PHTF1: variants seen among roughly 807,000 people sequenced by gnomAD.
PHTF1 encodes the protein protein PHTF1.
PHTF1 carries 88 observed loss-of-function variants against 102.4 expected under a neutral mutation model. The observed-to-expected ratio is 0.86, with a 90% CI of 0.72 to 1.03. The LOEUF (loss-of-function observed/expected upper bound fraction) is 1.03. Among genes scored for constraint, PHTF1 ranks in the 50% least tolerant of loss-of-function variants. The probability of loss-of-function intolerance (pLI) is 0.00; values close to 1 mark genes in which losing one functional copy is unlikely to be tolerated. For missense variants in PHTF1, 814 were observed against 909.5 expected, an observed-to-expected ratio of 0.89 and a Z score of 1.35; for synonymous variants, 289 against 305.2, an observed-to-expected ratio of 0.95 and a Z score of 0.55.
At chr1:113,751,933 T>C (rs1385759686) in intron 3 of PHTF1, among the ~76,000 whole-genome samples, 1 of 152,264 alleles carries the variant, frequency 6.6e-6, no homozygotes, top group Non-Finnish European at 1.5e-5. Flanking sequence ...ATTATAAATG[T>C]AGTAATGTAA....
rs763148035 is a variant in PHTF1 at position 113,706,002 on chromosome 1, G to A, written c.1559C>T (p.Ala520Val). The change falls in exon 13 of 19, where the codon GCA (alanine) becomes GTA (valine). Residue 520 changes from alanine to valine, a missense_variant. Coordinates refer to ENST00000369604, the MANE Select transcript of PHTF1 (RefSeq NM_001323043.2). ...AEEILTLFCG[A>V]PPVTPIIVLS... is the part of the protein sequence containing the mutation. ...AACAATAATAGGTGTAACAGGTGGTGCCCCACAAAAGAGAGTCAAGATCTC... is the reference window on the plus strand; with the variant it reads ...AACAATAATAGGTGTAACAGGTGGTACCCCACAAAAGAGAGTCAAGATCTC... The A allele has an allele frequency of 6.8e-6, 11 of 1,613,872 alleles. No homozygotes were observed. Among genetic ancestry groups the A allele is most frequent in the Admixed American group, 1.7e-5 (1 of 60,006 alleles).
chr1:113,704,907 CTAA>C, intron 13 of PHTF1, 110 bp from the exon 14 acceptor site: 1 of 810,096 alleles, frequency 1.2e-6, no homozygotes, highest in Non-Finnish European at 1.9e-6. Flanking sequence ...GAATGAAGTT[CTAA>C]TCAGTGTTCA....
rs74901666 is a variant in PHTF1 at position 113,705,642 on chromosome 1, G to C, written c.1671+248C>G. Reference sequence around the variant, plus strand: ...ACTGAGGTGCAGATGCTAAGCAGTCGGCTAGGCTCACTCACTGGCTAAGCC... The same window carrying C: ...ACTGAGGTGCAGATGCTAAGCAGTCCGCTAGGCTCACTCACTGGCTAAGCC... On this transcript the variant is annotated intron_variant, in intron 13 of 18. Transcript: ENST00000369604. 4.6e-5 allele frequency: 17 copies of C among 373,074 alleles called. 2 individuals carry two copies. In the South Asian group the frequency reaches 1.2e-3, roughly 25 times the overall value. 23.1% of individuals were successfully genotyped at this position (373,074 alleles called of 1,614,324 possible). A position where few individuals can be genotyped will look rare whatever the true frequency, so the allele number is the denominator to read the frequency against.
intron 6 of PHTF1, 42 bp from the exon 7 acceptor site, chr1:113,724,935 C>T (rs765801271): frequency 1.4e-6 from 2 of 1,436,520 alleles, no homozygotes; most frequent in Middle Eastern, 1.9e-4. Context: ...ATTCAAGACC[C>T]TTTCTATTTC....
chr1:113,741,181 T>A lies in PHTF1; in HGVS notation c.103-2382A>T, dbSNP rs188820613. Among the ~76,000 whole-genome samples the A allele has an allele frequency of 6.0e-4, 91 of 152,374 alleles. No homozygotes were observed. The South Asian group carries it at 8.3e-3, about 14-fold the overall frequency. On this transcript the variant is annotated intron_variant, in intron 3 of 18. Coordinates refer to ENST00000369604, the MANE Select transcript of PHTF1 (RefSeq NM_001323043.2). ...ATTACAGACATTGAACCAGTATTGA[T>A]CTTTAGCTTTGCTTAAACAGATGCA...
intron 5 of PHTF1, among the ~76,000 whole-genome samples, chr1:113,732,320 A>AC (rs1654785258): frequency 6.6e-6 from 1 of 152,004 alleles, no homozygotes; most frequent in Non-Finnish European, 1.5e-5. Flanking sequence ...ACATGGGGAA[A>AC]CCCCATCTCT....
intron 16 of PHTF1, chr1:113,700,012 A>AGTG (rs1271532251): frequency 1.0e-6 from 1 of 984,176 alleles, no homozygotes; most frequent in Non-Finnish European, 1.3e-6. Context: ...ATGAAAAATT[A>AGTG]ATGATGAAGC....
At chr1:113,752,529 T>TCGCTGGG (rs1658252687) in intron 3 of PHTF1, among the ~76,000 whole-genome samples, 1 of 31,842 alleles carries the variant, frequency 3.1e-5, no homozygotes. Flanking sequence ...GCCTCCCCAG[T>TCGCTGGG]AGCCTGCAAC....
intron 5 of PHTF1, among the ~76,000 whole-genome samples, chr1:113,728,190 T>G (rs1285367458): frequency 6.6e-6 from 1 of 152,198 alleles, no homozygotes; most frequent in Non-Finnish European, 1.5e-5. Flanking sequence ...AGAAAGTCTT[T>G]GCAAATTATC....
intron 5 of PHTF1, among the ~76,000 whole-genome samples, chr1:113,728,750 AAT>A: frequency 6.6e-6 from 1 of 152,148 alleles, no homozygotes; most frequent in South Asian, 2.1e-4. Flanking sequence ...CTCTACTAAA[AAT>A]ATAAAAATTT....
intron 5 of PHTF1, among the ~76,000 whole-genome samples, chr1:113,732,128 C>T (rs887637974): frequency 1.3e-5 from 2 of 151,794 alleles, no homozygotes; most frequent in Admixed American, 6.6e-5. Flanking sequence ...GTTTTAATCA[C>T]GATAAAATAA....
At chr1:113,720,112 T>G (rs1283062051) in intron 7 of PHTF1, among the ~76,000 whole-genome samples, 6 of 152,118 alleles carry the variant, frequency 3.9e-5, no homozygotes, top group Non-Finnish European at 8.8e-5. Flanking sequence ...ACAATTCAAG[T>G]TGATATTTGG....
At chr1:113,734,115 T>C (rs1199432469) in intron 5 of PHTF1, among the ~76,000 whole-genome samples, 6 of 151,870 alleles carry the variant, frequency 4.0e-5, no homozygotes, top group Non-Finnish European at 7.4e-5. Flanking sequence ...CAAAAATTAG[T>C]CAGGCATGGT....
chr1:113,745,294 A>G (rs1394221777), intron 3 of PHTF1, among the ~76,000 whole-genome samples: 1 of 152,140 alleles, frequency 6.6e-6, no homozygotes, highest in African/African-American at 2.4e-5. Context: ...GAGAAAAATA[A>G]TCAAATTTGT....
At chr1:113,715,188 C>CTGTGAAGGA (rs2101232987) in intron 7 of PHTF1, 2 of 152,310 alleles carry the variant, frequency 1.3e-5, no homozygotes, top group African/African-American at 4.8e-5. Flanking sequence ...ACAAAGAAGC[C>CTGTGAAGGA]CAGACTGTGA....
chr1:113,704,106 G>A lies in PHTF1; in HGVS notation c.1865C>T (p.Ser622Leu), dbSNP rs1320508110. The A allele has an allele frequency of 1.9e-6, 3 of 1,612,856 alleles. No homozygotes were observed. The highest frequency in any genetic ancestry group is 2.5e-6 in the Non-Finnish European group (3 of 1,178,980). ...CTGAGCACAACAAATGAAAGCAATC[G>A]AAAGTGTCAGTAGGAAAACCGAGGA... is the stretch of plus-strand genomic sequence containing the variant. The part of the protein sequence containing the change: ...VVSSVFLLTL[S>L]IAFICCAQVL... Residue 622 changes from serine (S) to leucine (L), a missense_variant, in exon 15 of 19, where the codon TCG (serine) becomes TTG (leucine). Transcript: ENST00000369604.
intron 3 of PHTF1, among the ~76,000 whole-genome samples, chr1:113,757,034 G>A (rs980558188): frequency 6.6e-6 from 1 of 152,162 alleles, no homozygotes; most frequent in African/African-American, 2.4e-5. Flanking sequence ...GGGCGTGGTG[G>A]TGGGCGCCTG....
At chr1:113,742,399 G>A (rs972462066) in intron 3 of PHTF1, among the ~76,000 whole-genome samples, 6 of 152,130 alleles carry the variant, frequency 3.9e-5, no homozygotes, top group Non-Finnish European at 8.8e-5. Flanking sequence ...CAAGGCAGGA[G>A]GATCACCTGA....
intron 3 of PHTF1, among the ~76,000 whole-genome samples, chr1:113,742,341 G>C (rs1656501806): frequency 6.6e-6 from 1 of 152,036 alleles, no homozygotes; most frequent in Admixed American, 6.6e-5. Flanking sequence ...ATAAAAAATG[G>C]GGCTGGGCGC....
Sources: gnomAD v4.1 joint callset for allele counts (sites outside exome capture counted in the v4.1 genomes callset) on GRCh38, gnomAD v4.1.1 for gene constraint, MANE v1.5 for transcripts, NCBI Gene and HGNC (gene_info 2026-07-23, HGNC 2026-07-21) for gene names.